STIM2: variants seen among roughly 807,000 people sequenced by gnomAD.
STIM2 encodes the protein stromal interaction molecule 2.
In STIM2, 31 loss-of-function variants were observed where a neutral mutation model predicts 85.8. The observed-to-expected ratio is 0.36, with a 90% CI of 0.27 to 0.49. The LOEUF (loss-of-function observed/expected upper bound fraction) is 0.49, where lower values mean the gene tolerates loss of function less well. STIM2 is among the 20% of genes least tolerant of loss of function. The pLI, the probability that STIM2 is intolerant of heterozygous loss-of-function variation, is 0.98. For synonymous variants in STIM2, 356 were observed against 331.1 expected, an observed-to-expected ratio of 1.08 and a Z score of -0.82; for missense variants, 841 against 927.6, an observed-to-expected ratio of 0.91 and a Z score of 1.21.
At chr4:26,913,234 A>C (rs571421007) in intron 1 of STIM2, among the ~76,000 whole-genome samples, 1 of 152,218 alleles carries the variant, frequency 6.6e-6, no homozygotes, top group Admixed American at 6.5e-5. Context: ...ATTTGGTAAC[A>C]TACAATAATA....
chr4:26,998,301 C>T (rs925905249), intron 4 of STIM2, among the ~76,000 whole-genome samples: 6 of 152,114 alleles, frequency 3.9e-5, no homozygotes, highest in Admixed American at 6.5e-5. Flanking sequence ...GTGCCTCCTA[C>T]GTGCTTTCTT....
intron 1 of STIM2, among the ~76,000 whole-genome samples, chr4:26,869,723 G>C (rs1242501662): frequency 6.6e-6 from 1 of 151,416 alleles, no homozygotes; most frequent in African/African-American, 2.4e-5. Flanking sequence ...AATTGCCTGA[G>C]AGTGGATTGC....
chr4:26,955,652 G>A (rs1267664308), intron 2 of STIM2, among the ~76,000 whole-genome samples: 1 of 148,050 alleles, frequency 6.8e-6, no homozygotes, highest in Non-Finnish European at 1.5e-5. Context: ...AAGGAGTAAG[G>A]CACTATTTAG....
At chr4:27,008,623 A>G (rs1728451282) in intron 9 of STIM2, 95 bp downstream of exon 9, 4 of 1,114,742 alleles carry the variant, frequency 3.6e-6, no homozygotes, top group South Asian at 3.3e-5. Flanking sequence ...ATATAATTAC[A>G]TAATTTACAT....
chr4:26,904,262 A>C (rs943138766), intron 1 of STIM2, among the ~76,000 whole-genome samples: 35 of 151,924 alleles, frequency 2.3e-4, no homozygotes, highest in African/African-American at 8.2e-4. Context: ...TTTTTTAAAC[A>C]TTTTTTCAGG....
chr4:26,872,040 C>T (rs1722638115), intron 1 of STIM2, among the ~76,000 whole-genome samples: 1 of 152,124 alleles, frequency 6.6e-6, no homozygotes, highest in African/African-American at 2.4e-5. Flanking sequence ...AGAATAGAGC[C>T]TGGCAAGGGT....
At chr4:26,870,076 T>C (rs996248749) in intron 1 of STIM2, among the ~76,000 whole-genome samples, 1 of 152,070 alleles carries the variant, frequency 6.6e-6, no homozygotes, top group South Asian at 2.1e-4. Flanking sequence ...AAATACTGCA[T>C]GGAATCTGAA....
chr4:27,016,414 G>T (rs1297190623), intron 10 of STIM2, among the ~76,000 whole-genome samples: 1 of 152,172 alleles, frequency 6.6e-6, no homozygotes, highest in Non-Finnish European at 1.5e-5. Flanking sequence ...TGTGTGAGTG[G>T]TAAAGTGCCC....
intron 1 of STIM2, among the ~76,000 whole-genome samples, chr4:26,903,865 G>A (rs535068787): frequency 6.6e-6 from 1 of 152,040 alleles, no homozygotes; most frequent in South Asian, 2.1e-4. Context: ...GTAGAGCCAA[G>A]TTATTGAGAG....
intron 1 of STIM2, among the ~76,000 whole-genome samples, chr4:26,862,003 C>G (rs998091288): frequency 1.3e-5 from 2 of 152,164 alleles, no homozygotes; most frequent in African/African-American, 4.8e-5. Flanking sequence ...GGGAGCATCA[C>G]TGGGTGACAA....
intron 2 of STIM2, among the ~76,000 whole-genome samples, chr4:26,936,944 A>T (rs1185671312): frequency 6.6e-6 from 1 of 152,036 alleles, no homozygotes; most frequent in African/African-American, 2.4e-5. Flanking sequence ...ATGAGCCACC[A>T]TGCCTGGCTA....
chr4:26,874,997 A>G (rs1488919267), intron 1 of STIM2, among the ~76,000 whole-genome samples: 2 of 152,338 alleles, frequency 1.3e-5, no homozygotes, highest in East Asian at 3.9e-4. Context: ...TATGATTGCT[A>G]CGCGTTCCAG....
intron 1 of STIM2, among the ~76,000 whole-genome samples, chr4:26,917,272 A>G (rs1724618622): frequency 6.6e-6 from 1 of 152,158 alleles, no homozygotes; most frequent in Non-Finnish European, 1.5e-5. Flanking sequence ...TTAAATGTTT[A>G]CCACTACTAA....
At chr4:26,894,422 G>GACTGAA (rs1180980888) in intron 1 of STIM2, among the ~76,000 whole-genome samples, 1 of 151,852 alleles carries the variant, frequency 6.6e-6, no homozygotes, top group Non-Finnish European at 1.5e-5. Context: ...GTTTAACTTA[G>GACTGAA]TTTGTATTTC....
rs184580496 is a variant in STIM2, at chr4:26,964,432, G to A, written c.397+6706G>A. ...TTGCTTTAGAAGGCCTGGTAATGTA[G>A]AAGAGTTATAAAAAGACAAATTCAC... On this transcript the variant is annotated intron_variant, in intron 3 of 11. Coordinates refer to ENST00000467087, the MANE Select transcript of STIM2 (RefSeq NM_020860.4). Among the ~76,000 whole-genome samples, 25 of 152,270 alleles carry A rather than the reference G, an allele frequency of 1.6e-4. No individual in the cohort carries two copies. The East Asian group carries it at 4.6e-3, about 28-fold the overall frequency.
intron 1 of STIM2, among the ~76,000 whole-genome samples, chr4:26,884,384 G>A (rs545115169): frequency 4.8e-4 from 73 of 152,176 alleles, no homozygotes; most frequent in Non-Finnish European, 8.7e-4. Flanking sequence ...CTCTTAGAAA[G>A]CATTAGCTGT....
At chr4:26,942,815 A>C (rs556858778) in intron 2 of STIM2, among the ~76,000 whole-genome samples, 15 of 152,006 alleles carry the variant, frequency 9.9e-5, no homozygotes, top group Admixed American at 6.6e-4. Flanking sequence ...TGCTTTGCTT[A>C]TTTTTACTGA....
intron 1 of STIM2, among the ~76,000 whole-genome samples, chr4:26,913,855 CT>C (rs1316965730): frequency 1.3e-5 from 2 of 152,172 alleles, no homozygotes; most frequent in Non-Finnish European, 2.9e-5. Context: ...AGCCTGTGAT[CT>C]CACGGTTGCA....
intron 3 of STIM2, among the ~76,000 whole-genome samples, chr4:26,964,265 G>A (rs939629663): frequency 6.6e-6 from 1 of 152,266 alleles, no homozygotes; most frequent in Admixed American, 6.5e-5. Flanking sequence ...TATTAAGGAA[G>A]CTTGGTCTGT....
Sources: allele counts gnomAD v4.1 joint callset (sites outside exome capture counted in the v4.1 genomes callset), GRCh38; gene constraint gnomAD v4.1.1; transcripts MANE v1.5; gene names NCBI Gene and HGNC (gene_info 2026-07-23, HGNC 2026-07-21).